STT3B: variants seen among roughly 807,000 people sequenced by gnomAD.
The protein encoded by STT3B is dolichyl-diphosphooligosaccharide--protein glycosyltransferase subunit STT3B.
In STT3B, 29 loss-of-function variants were observed where a neutral mutation model predicts 96.8. The observed-to-expected ratio is 0.30, with a 90% CI of 0.22 to 0.41. The LOEUF (loss-of-function observed/expected upper bound fraction) is 0.41, where lower values mean the gene tolerates loss of function less well. Ranked by LOEUF, STT3B falls within the 10% of genes least tolerant of loss-of-function variation. STT3B has a pLI of 1.00. For missense variants in STT3B, 640 were observed against 1,022.3 expected (o/e 0.63, Z 5.10); for synonymous variants, 367 against 360.0 (o/e 1.02, Z -0.22).
At chr3:31,581,263 A>G (rs552207819) in intron 3 of STT3B, among the ~76,000 whole-genome samples, 2 of 152,278 alleles carry the variant, frequency 1.3e-5, no homozygotes, top group East Asian at 3.9e-4. Flanking sequence ...GGTGGGCAAT[A>G]TTAAGGGAGC....
intron 1 of STT3B, among the ~76,000 whole-genome samples, chr3:31,546,730 C>T (rs1404609531): frequency 6.6e-6 from 1 of 152,134 alleles, no homozygotes; most frequent in Non-Finnish European, 1.5e-5. Flanking sequence ...TTTAGTCTCA[C>T]TAATTTAGTA....
chr3:31,596,539 G>A (rs1259435629), intron 3 of STT3B, among the ~76,000 whole-genome samples: 1 of 152,154 alleles, frequency 6.6e-6, no homozygotes, highest in African/African-American at 2.4e-5. Flanking sequence ...TGAGAAAAAT[G>A]TAATTTGTTA....
chr3:31,575,789 C>T (rs1247384170), intron 1 of STT3B, among the ~76,000 whole-genome samples: 1 of 151,974 alleles, frequency 6.6e-6, no homozygotes, highest in African/African-American at 2.4e-5. Flanking sequence ...AGGCTTTTCC[C>T]CTGCCCATGA....
intron 1 of STT3B, among the ~76,000 whole-genome samples, chr3:31,554,242 T>C (rs1575411138): frequency 6.6e-6 from 1 of 152,306 alleles, no homozygotes; most frequent in East Asian, 1.9e-4. Context: ...TCAATATTAA[T>C]CTTGTTTTCT....
intron 10 of STT3B, among the ~76,000 whole-genome samples, 174 bp from the exon 11 acceptor site, chr3:31,623,500 C>T (rs1317056296): frequency 6.6e-6 from 1 of 152,116 alleles, no homozygotes; most frequent in East Asian, 1.9e-4. Flanking sequence ...ACCTTATTCA[C>T]GTTTGACTTA....
rs1250111272 is a variant in STT3B at position 31,636,960 on chromosome 3, A to G, written c.*896A>G. Reference sequence around the variant, plus strand: ...TTTTCTGTGACTCATCAAAGTGACAAAAGACTTGTAACAACTTTGCCTGGA... The same window carrying G: ...TTTTCTGTGACTCATCAAAGTGACAGAAGACTTGTAACAACTTTGCCTGGA... On this transcript the variant is annotated 3_prime_UTR_variant, in exon 16 of 16. Transcript: ENST00000295770. 5 of 152,202 alleles carry G rather than the reference A, an allele frequency of 3.3e-5. No individual in the cohort carries two copies. The highest frequency in any genetic ancestry group is 7.3e-5 in the Non-Finnish European group (5 of 68,028). The allele number at this position is 152,202 out of a possible 1,614,324, so 9.4% of individuals were successfully genotyped here.
At chr3:31,618,782 A>G (rs1313855378) in intron 8 of STT3B, among the ~76,000 whole-genome samples, 1 of 152,110 alleles carries the variant, frequency 6.6e-6, no homozygotes, top group Non-Finnish European at 1.5e-5. Flanking sequence ...CAGCCTGTGG[A>G]TCACTAACGA....
chr3:31,590,074 T>C (rs1683885978), intron 3 of STT3B, among the ~76,000 whole-genome samples: 1 of 151,944 alleles, frequency 6.6e-6, no homozygotes, highest in East Asian at 1.9e-4. Context: ...TGGTAATATG[T>C]ATCTTTTTAA....
intron 14 of STT3B, among the ~76,000 whole-genome samples, chr3:31,629,978 C>T (rs928167532): frequency 3.3e-5 from 5 of 152,150 alleles, no homozygotes; most frequent in Non-Finnish European, 5.9e-5. Flanking sequence ...GACTTGATGT[C>T]ATAACACCTG....
At chr3:31,591,260 CTTTG>C (rs1337734218) in intron 3 of STT3B, among the ~76,000 whole-genome samples, 1 of 151,988 alleles carries the variant, frequency 6.6e-6, no homozygotes, top group Non-Finnish European at 1.5e-5. Flanking sequence ...TTAAAATCTG[CTTTG>C]TTTGATTGAT....
chr3:31,545,078 A>G (rs1697374182), intron 1 of STT3B, among the ~76,000 whole-genome samples: 1 of 152,222 alleles, frequency 6.6e-6, no homozygotes, highest in African/African-American at 2.4e-5. Flanking sequence ...TATGCTAAGC[A>G]GCTTTATGGC....
Position 31,625,964 on chromosome 3 carries a change from CTA to C in STT3B, c.1912_1913del (p.Met638ValfsTer3). On this transcript the variant is annotated frameshift_variant, in exon 13 of 16. Transcript: ENST00000295770. LOFTEE classifies it high-confidence loss of function. ...TTTTAAATTCTGCAGGTGGGAAAAG[CTA>C]TGTCTTCTAATGAAACAGCAGCCTA... 1 of 1,596,826 alleles carries C rather than the reference CTA, an allele frequency of 6.3e-7. No homozygotes were observed. The highest frequency in any genetic ancestry group is 8.5e-7 in the Non-Finnish European group (1 of 1,173,378).
intron 1 of STT3B, among the ~76,000 whole-genome samples, chr3:31,565,465 A>G (rs1452930343): frequency 6.6e-6 from 1 of 152,240 alleles, no homozygotes; most frequent in African/African-American, 2.4e-5. Flanking sequence ...AAGTGTACAC[A>G]TACTTACTCA....
chr3:31,586,369 G>C (rs964950227), intron 3 of STT3B, among the ~76,000 whole-genome samples: 19 of 151,972 alleles, frequency 1.3e-4, no homozygotes, highest in African/African-American at 4.6e-4. Context: ...ATTTTCTCTA[G>C]TCTCTTCCTA....
chr3:31,625,875 T>G (rs1305145394), intron 12 of STT3B, 79 bp from the exon 13 acceptor site: 5 of 1,302,558 alleles, frequency 3.8e-6, no homozygotes, highest in Non-Finnish European at 5.2e-6. Context: ...GAATTCCATG[T>G]TGTAGTAAAA....
chr3:31,631,451 C>T (rs539043286), intron 14 of STT3B, among the ~76,000 whole-genome samples: 1 of 152,202 alleles, frequency 6.6e-6, no homozygotes, highest in African/African-American at 2.4e-5. Context: ...CACTACTGAT[C>T]ACGTTGAAGG....
chr3:31,541,855 C>T (rs531055106), intron 1 of STT3B, among the ~76,000 whole-genome samples: 15 of 152,288 alleles, frequency 9.8e-5, no homozygotes, highest in Non-Finnish European at 1.8e-4. Context: ...GGATTACAGG[C>T]GTGAGCCACC....
intron 4 of STT3B, among the ~76,000 whole-genome samples, chr3:31,597,294 G>A (rs561145451): frequency 8.8e-4 from 134 of 152,050 alleles, no homozygotes; most frequent in African/African-American, 3.1e-3. Flanking sequence ...TGAGTAGCTG[G>A]GATTACAGGC....
At chr3:31,574,980 CCTAT>C (rs1698234062) in intron 1 of STT3B, among the ~76,000 whole-genome samples, 1 of 152,050 alleles carries the variant, frequency 6.6e-6, no homozygotes, top group East Asian at 1.9e-4. Context: ...TGCTATTTAG[CCTAT>C]CTTTTATTTT....
Sources: gnomAD v4.1 joint callset for allele counts (sites outside exome capture counted in the v4.1 genomes callset) on GRCh38, gnomAD v4.1.1 for gene constraint, MANE v1.5 for transcripts, NCBI Gene and HGNC (gene_info 2026-07-23, HGNC 2026-07-21) for gene names.